Variants in CFAP161 observed in about 807,000 individuals in gnomAD.
The protein encoded by CFAP161 is cilia- and flagella-associated protein 161.
CFAP161 carries 25 observed loss-of-function variants against 29.0 expected under a neutral mutation model. The observed-to-expected ratio is 0.86, with a 90% CI of 0.63 to 1.20. CFAP161 has a LOEUF of 1.20. Ranked by LOEUF, CFAP161 falls within the 50% of genes most tolerant of loss-of-function variation. CFAP161 has a pLI of 0.00. For synonymous variants in CFAP161, 116 were observed against 137.4 expected (o/e 0.84, Z 1.09); for missense variants, 367 against 371.9 (o/e 0.99, Z 0.11).
At chr15:81,114,334 AAT>A (rs985473558) in intron 1 of CFAP161, among the ~76,000 whole-genome samples, 1 of 152,364 alleles carries the variant, frequency 6.6e-6, no homozygotes, top group African/African-American at 2.4e-5. Context: ...TTAATTTAAA[AAT>A]AGTTTACTGC....
intron 1 of CFAP161, among the ~76,000 whole-genome samples, chr15:81,114,242 A>G (rs1894470181): frequency 1.3e-5 from 2 of 152,240 alleles, no homozygotes; most frequent in African/African-American, 4.8e-5. Flanking sequence ...TTGTTTTCCC[A>G]GTGCATATAA....
Position 81,134,368 on chromosome 15 carries a change from C to A in CFAP161, c.39C>A (p.Gly13=). The A allele has an allele frequency of 1.3e-6, 2 of 1,591,124 alleles. No individual in the cohort carries two copies. The change falls in exon 1 of 7, where the codon GGC becomes GGA. Residue 13 remains glycine (G), a synonymous_variant. Coordinates refer to ENST00000286732, the MANE Select transcript of CFAP161 (RefSeq NM_173528.4). The part of the protein sequence containing the change: ...QNVYGPGVRI[G]NWNEDVYLEE... ...TGTATGGTCCGGGAGTCCGGATAGG[C>A]AACTGGAATGAGGATGTCTACCTGG...
intron 1 of CFAP161, among the ~76,000 whole-genome samples, chr15:81,123,521 G>A (rs1294287649): frequency 2.0e-5 from 3 of 152,046 alleles, no homozygotes; most frequent in African/African-American, 7.2e-5. Flanking sequence ...GGCTATTTGG[G>A]CTCTTTTTTG....
chr15:81,118,337 G>A lies in CFAP161; in HGVS notation c.-141-9253G>A, dbSNP rs544211501. 11 of 414,830 alleles carry A rather than the reference G, an allele frequency of 2.7e-5. No individual in the cohort carries two copies. In the East Asian group the frequency reaches 7.0e-4, roughly 27 times the overall value. 25.7% of individuals were successfully genotyped at this position (414,830 alleles called of 1,614,324 possible). On this transcript the variant is annotated intron_variant, in intron 1 of 4. Coordinates refer to the CFAP161 transcript ENST00000560091. ...TTGCAGTTGTCCAAGACATGTTCTCGAACCCTCTTTAAACACTCTTACATC... is the reference window on the plus strand; with the variant it reads ...TTGCAGTTGTCCAAGACATGTTCTCAAACCCTCTTTAAACACTCTTACATC...
chr15:81,110,628 G>A (rs1049082994), intron 1 of CFAP161, among the ~76,000 whole-genome samples: 1 of 152,082 alleles, frequency 6.6e-6, no homozygotes, highest in Non-Finnish European at 1.5e-5. Flanking sequence ...ACTACAAAAG[G>A]GTTTCCCTTT....
chr15:81,112,855 T>C (rs1894454933), intron 1 of CFAP161, among the ~76,000 whole-genome samples: 1 of 152,156 alleles, frequency 6.6e-6, no homozygotes, highest in Non-Finnish European at 1.5e-5. Context: ...TATGTCAAAA[T>C]AATACTTTTA....
At chr15:81,115,977 A>C (rs1894493078) in intron 1 of CFAP161, among the ~76,000 whole-genome samples, 1 of 152,050 alleles carries the variant, frequency 6.6e-6, no homozygotes, top group Admixed American at 6.6e-5. Flanking sequence ...AATTGAATGA[A>C]TCAAATGACT....
rs747270322 is a variant in CFAP161 at position 81,147,882 on chromosome 15, C to T, written c.661C>T (p.His221Tyr). 2 of 1,610,370 alleles carry T rather than the reference C, an allele frequency of 1.2e-6. No individual in the cohort carries two copies. Among genetic ancestry groups the T allele is most frequent in the Non-Finnish European group, 1.7e-6 (2 of 1,178,654 alleles). ...VPANAKILIN[H>Y]CHTNRGLAAH... The stretch of plus-strand genomic sequence containing the variant: ...GGCAAATGCTAAAATTCTCATCAAT[C>T]ACTGTCACACAAATCGGGGACTGGC... The change falls in exon 6 of 7, where the codon CAC (histidine) becomes TAC (tyrosine). Residue 221 changes from histidine to tyrosine, a missense_variant. Coordinates refer to ENST00000286732, the MANE Select transcript of CFAP161 (RefSeq NM_173528.4).
At chr15:81,118,190 AT>A in intron 1 of CFAP161, 4 of 470,754 alleles carry the variant, frequency 8.5e-6, no homozygotes, top group South Asian at 2.2e-5. Context: ...CTGAGTACAA[AT>A]TTTTTCAATT....
At chr15:81,100,726 C>T (rs1375757024) in intron 1 of CFAP161, among the ~76,000 whole-genome samples, 3 of 147,364 alleles carry the variant, frequency 2.0e-5, no homozygotes, top group Non-Finnish European at 4.5e-5. Context: ...TTTTAAGAGA[C>T]ACAGGCTCGC....
chr15:81,106,170 G>A (rs549256680), intron 1 of CFAP161, among the ~76,000 whole-genome samples: 10 of 152,272 alleles, frequency 6.6e-5, no homozygotes, highest in Admixed American at 2.0e-4. Flanking sequence ...GAAATCACAC[G>A]GAGAAGAAGG....
chr15:81,113,794 C>T (rs1196086854), intron 1 of CFAP161, among the ~76,000 whole-genome samples: 3 of 152,158 alleles, frequency 2.0e-5, no homozygotes, highest in Non-Finnish European at 4.4e-5. Context: ...ATCTCCAGCC[C>T]CTCACCTTTC....
intron 1 of CFAP161, among the ~76,000 whole-genome samples, chr15:81,110,591 G>T (rs901433368): frequency 6.6e-6 from 1 of 152,050 alleles, no homozygotes; most frequent in African/African-American, 2.4e-5. Flanking sequence ...GGTCCATGCC[G>T]GCATTCCCAT....
chr15:81,148,403 A>G lies in CFAP161; in HGVS notation c.776A>G (p.Lys259Arg), dbSNP rs1895046421. 1 of 1,614,216 alleles carries G rather than the reference A, an allele frequency of 6.2e-7. No individual in the cohort carries two copies. Among genetic ancestry groups the G allele is most frequent in the African/African-American group, 1.3e-5 (1 of 75,056 alleles). ...HTYLDSHRVE[K>R]PRNHWMLVTG... The stretch of plus-strand genomic sequence containing the variant: ...TACCTGGATTCACATAGAGTTGAGA[A>G]ACCAAGGAACCACTGGATGTTGGTT... The change falls in exon 7 of 7, where the codon AAA becomes AGA. Residue 259 changes from lysine to arginine, a missense_variant. Transcript: ENST00000286732.
At chr15:81,131,355 C>T (rs928623626), upstream of CFAP161, among the ~76,000 whole-genome samples, 1 of 151,978 alleles carries the variant, frequency 6.6e-6, no homozygotes, top group Non-Finnish European at 1.5e-5. Flanking sequence ...AGATGTTGGA[C>T]TTAGCAGACA....
At chr15:81,139,977 T>C (rs987554947) in intron 4 of CFAP161, among the ~76,000 whole-genome samples, 13 of 152,200 alleles carry the variant, frequency 8.5e-5, no homozygotes, top group African/African-American at 3.1e-4. Context: ...ATGTAAATGT[T>C]GTACTACTTG....
chr15:81,126,026 T>C (rs867382107), intron 1 of CFAP161, among the ~76,000 whole-genome samples: 2 of 152,220 alleles, frequency 1.3e-5, no homozygotes, highest in Middle Eastern at 3.4e-3. Flanking sequence ...CACATCACCA[T>C]GCCCAGCTAA....
chr15:81,117,419 G>T (rs1011466219), intron 1 of CFAP161, among the ~76,000 whole-genome samples: 1 of 152,048 alleles, frequency 6.6e-6, no homozygotes, highest in African/African-American at 2.4e-5. Context: ...ATTTTGTTGG[G>T]GTGAAGTCCC....
At chr15:81,114,199 C>T (rs917153601) in intron 1 of CFAP161, among the ~76,000 whole-genome samples, 1 of 152,182 alleles carries the variant, frequency 6.6e-6, no homozygotes, top group Non-Finnish European at 1.5e-5. Flanking sequence ...TGCACTGAAG[C>T]ATATATTGCA....
Sources: allele counts gnomAD v4.1 joint callset (sites outside exome capture counted in the v4.1 genomes callset), GRCh38; gene constraint gnomAD v4.1.1; transcripts MANE v1.5; gene names NCBI Gene and HGNC (gene_info 2026-07-23, HGNC 2026-07-21).